WBP1L: variants seen among roughly 807,000 people sequenced by gnomAD.
WBP1L encodes the protein WW domain binding protein 1 like, also known as WW domain binding protein 1-like.
Under a neutral mutation model 33.7 loss-of-function variants are expected in WBP1L, and 17 were observed. The ratio of observed to expected loss-of-function variants is 0.50; its 90% CI spans 0.34 to 0.76. WBP1L has a LOEUF of 0.76. WBP1L is among the 30% of genes least tolerant of loss of function. The probability of loss-of-function intolerance (pLI) is 0.01; values close to 1 mark genes in which losing one functional copy is unlikely to be tolerated. For synonymous variants in WBP1L, 173 were observed against 190.8 expected (o/e 0.91, Z 0.77); for missense variants, 389 against 469.4 (o/e 0.83, Z 1.58).
chr10:102,769,360 C>CT (rs35421138), intron 1 of WBP1L, among the ~76,000 whole-genome samples: 40 of 118,042 alleles, frequency 3.4e-4, no homozygotes, highest in Non-Finnish European at 4.9e-4. Flanking sequence ...TTTTTTCTTT[C>CT]TTTTTTTTTT....
At chr10:102,753,580 T>C (rs1842944188) in intron 1 of WBP1L, among the ~76,000 whole-genome samples, 1 of 152,210 alleles carries the variant, frequency 6.6e-6, no homozygotes, top group South Asian at 2.1e-4. Flanking sequence ...ATATGCTTGC[T>C]TACTCAGTTA....
In WBP1L at chr10:102,744,031, G is replaced by T. The variant is rs376002870; in HGVS notation, c.-23G>T. ...AGGAGGGAGGTGGCGGCGCCGTGGC[G>T]GAGGAGCAGGAGCAGGAGGGGGATG... On this transcript the variant is annotated 5_prime_UTR_variant, in exon 1 of 4. Transcript: ENST00000448841. The T allele has an allele frequency of 1.3e-6, 2 of 1,530,386 alleles. No individual in the cohort carries two copies. The highest frequency in any genetic ancestry group is 1.4e-5 in the African/African-American group (1 of 72,542). 94.8% of individuals were successfully genotyped at this position (1,530,386 alleles called of 1,614,324 possible).
intron 2 of WBP1L, 69 bp from the exon 3 acceptor site, chr10:102,809,824 G>T: frequency 6.5e-7 from 1 of 1,533,280 alleles, no homozygotes. Context: ...GGACCTCCCT[G>T]TTCCGCAAGC....
chr10:102,785,165 C>T (rs911624753), intron 1 of WBP1L, among the ~76,000 whole-genome samples: 21 of 150,342 alleles, frequency 1.4e-4, no homozygotes, highest in East Asian at 7.8e-4. Context: ...TGAGCCACTG[C>T]GCCAGGCACC....
intron 1 of WBP1L, chr10:102,776,346 A>T: frequency 6.2e-7 from 1 of 1,613,998 alleles, no homozygotes; most frequent in Non-Finnish European, 8.5e-7. Context: ...CTTAACTTTT[A>T]AGAGCCCTTT....
At chr10:102,784,716 C>T (rs1009292490) in intron 1 of WBP1L, among the ~76,000 whole-genome samples, 15 of 151,900 alleles carry the variant, frequency 9.9e-5, no homozygotes, top group Admixed American at 6.6e-4. Context: ...TGAGCCACCG[C>T]GCCCGGCGAA....
At position 102,751,535 on chromosome 10, in the gene WBP1L, T is replaced by A. The variant is rs1842924259; in HGVS notation, c.90+7392T>A. On this transcript the variant is annotated intron_variant, in intron 1 of 3. Coordinates refer to ENST00000448841, the MANE Select transcript of WBP1L (RefSeq NM_001083913.2). ...GTTGGCCAGGCTGGTCTTGAACTCC[T>A]GGGCACAAGCGATCTGCTCGCCTTG... Among the ~76,000 whole-genome samples the A allele has an allele frequency of 2.0e-5, 3 of 152,300 alleles. No individual in the cohort carries two copies. The South Asian group carries it at 6.2e-4, about 32-fold the overall frequency.
rs192324536 is a variant in WBP1L, at chr10:102,814,180, G to T, written c.*849G>T. Reference sequence around the variant, plus strand: ...TTGGCCTTCAAAGAGCCTGCCTGCTGTTGAGCCAGAAGATGTCTCGTGTGA... The same window carrying T: ...TTGGCCTTCAAAGAGCCTGCCTGCTTTTGAGCCAGAAGATGTCTCGTGTGA... On this transcript the variant is annotated 3_prime_UTR_variant, in exon 4 of 4. Coordinates refer to ENST00000448841, the MANE Select transcript of WBP1L (RefSeq NM_001083913.2). 3 of 152,214 alleles carry T rather than the reference G, an allele frequency of 2.0e-5. No homozygotes were observed. The highest frequency in any genetic ancestry group is 4.8e-5 in the African/African-American group (2 of 41,446). 9.4% of individuals were successfully genotyped at this position (152,214 alleles called of 1,614,324 possible).
At chr10:102,792,459 G>A (rs1042922428) in intron 1 of WBP1L, among the ~76,000 whole-genome samples, 2 of 152,042 alleles carry the variant, frequency 1.3e-5, no homozygotes, top group Non-Finnish European at 2.9e-5. Context: ...GTACAGAGTG[G>A]TCCCCACCTA....
intron 1 of WBP1L, among the ~76,000 whole-genome samples, chr10:102,776,627 G>A (rs1299752569): frequency 3.3e-5 from 5 of 152,078 alleles, no homozygotes; most frequent in African/African-American, 1.2e-4. Flanking sequence ...CTACGTCCCC[G>A]AGGTTTCTCT....
chr10:102,744,154 G>C lies in WBP1L; in HGVS notation c.90+11G>C. Reference sequence around the variant, plus strand: ...GCTGAACCCCCGCAGGTAAGGGGGAGGGGGCGTCTGGGCCATGTTGGGTCC... The same window carrying C: ...GCTGAACCCCCGCAGGTAAGGGGGACGGGGCGTCTGGGCCATGTTGGGTCC... On this transcript the variant is annotated intron_variant, in intron 1 of 3. Transcript: ENST00000448841. 1 of 1,545,758 alleles carries C rather than the reference G, an allele frequency of 6.5e-7. No individual in the cohort carries two copies. The highest frequency in any genetic ancestry group is 2.5e-5 in the East Asian group (1 of 40,686).
In WBP1L at chr10:102,813,185, G is replaced by A. The variant is rs756507028; in HGVS notation, c.946G>A (p.Glu316Lys). Residue 316 changes from glutamate to lysine, a missense_variant, in exon 4 of 4, where the codon GAG becomes AAG. Physicochemically the swap from Glu to Lys is moderately conservative, Grantham distance 56. Transcript: ENST00000448841. ...DSCHVRPPGDEEEGLCQSSEE... is the reference protein window; with the variant it reads ...DSCHVRPPGDKEEGLCQSSEE... Reference sequence around the variant, plus strand: ...CTGCCATGTGCGGCCCCCTGGTGATGAGGAGGAAGGCCTCTGTCAGTCCTC... The same window carrying A: ...CTGCCATGTGCGGCCCCCTGGTGATAAGGAGGAAGGCCTCTGTCAGTCCTC... The A allele has an allele frequency of 6.2e-7, 1 of 1,613,906 alleles. No individual in the cohort carries two copies. The highest frequency in any genetic ancestry group is 8.5e-7 in the Non-Finnish European group (1 of 1,180,018).
At chr10:102,767,930 C>T (rs1046262658) in intron 1 of WBP1L, among the ~76,000 whole-genome samples, 7 of 152,104 alleles carry the variant, frequency 4.6e-5, no homozygotes, top group Admixed American at 1.3e-4. Flanking sequence ...CTAATCTTTG[C>T]GTCATCTTTT....
chr10:102,776,637 T>C (rs1176994768), intron 1 of WBP1L, among the ~76,000 whole-genome samples: 1 of 152,182 alleles, frequency 6.6e-6, no homozygotes, highest in Non-Finnish European at 1.5e-5. Context: ...GAGGTTTCTC[T>C]AGGGCTGACC....
At chr10:102,746,084 G>A in intron 1 of WBP1L, 1 of 953,466 alleles carries the variant, frequency 1.0e-6, no homozygotes, top group Non-Finnish European at 1.2e-6. Flanking sequence ...CTTTGGAGAT[G>A]GGCTGGTCAA....
chr10:102,759,567 A>G (rs890735962), intron 1 of WBP1L, among the ~76,000 whole-genome samples: 4 of 152,178 alleles, frequency 2.6e-5, no homozygotes, highest in Admixed American at 6.5e-5. Flanking sequence ...ACTCCATTTT[A>G]TTTATTCATC....
At chr10:102,761,134 T>TC (rs1843034677) in intron 1 of WBP1L, among the ~76,000 whole-genome samples, 2 of 149,930 alleles carry the variant, frequency 1.3e-5, no homozygotes, top group Non-Finnish European at 3.0e-5. Context: ...TTTTTTTTTT[T>TC]TTTTCTTTTC....
chr10:102,757,421 C>T (rs779487357), intron 1 of WBP1L, among the ~76,000 whole-genome samples: 1 of 152,184 alleles, frequency 6.6e-6, no homozygotes, highest in Admixed American at 6.5e-5. Context: ...GTATGGGGGT[C>T]GTCACCCATC....
chr10:102,809,147 G>A (rs1000158199), intron 2 of WBP1L, among the ~76,000 whole-genome samples: 11 of 152,116 alleles, frequency 7.2e-5, no homozygotes, highest in Non-Finnish European at 1.3e-4. Context: ...GTGCAATCTC[G>A]GCTCACTGCA....
Sources: allele counts gnomAD v4.1 joint callset (sites outside exome capture counted in the v4.1 genomes callset), GRCh38; gene constraint gnomAD v4.1.1; transcripts MANE v1.5; gene names NCBI Gene and HGNC (gene_info 2026-07-23, HGNC 2026-07-21).